The following CDC42EP3 variants were observed in gnomAD, a reference collection of about 807,000 sequenced individuals.
CDC42EP3 encodes the protein CDC42 effector protein 3, also known as CDC42 effector protein (Rho GTPase binding) 3.
In CDC42EP3, 4 loss-of-function variants were observed where a neutral mutation model predicts 15.5. The observed-to-expected ratio is 0.26, with a 90% CI of 0.13 to 0.59. The LOEUF is 0.59. Among genes scored for constraint, CDC42EP3 ranks in the 20% least tolerant of loss-of-function variants. The pLI is 0.89. For missense variants in CDC42EP3, 309 were observed against 311.2 expected, an observed-to-expected ratio of 0.99 and a Z score of 0.05; for synonymous variants, 145 against 130.3, an observed-to-expected ratio of 1.11 and a Z score of -0.77.
chr2:37,667,969 A>AT (rs1314909369), intron 1 of CDC42EP3, among the ~76,000 whole-genome samples: 11 of 152,226 alleles, frequency 7.2e-5, no homozygotes, highest in Admixed American at 3.9e-4. Context: ...TCCTCCACGG[A>AT]TATGTTCCAA....
At chr2:37,661,680 C>G (rs777117154) in intron 1 of CDC42EP3, among the ~76,000 whole-genome samples, 2 of 151,934 alleles carry the variant, frequency 1.3e-5, no homozygotes, top group Non-Finnish European at 2.9e-5. Context: ...GCTGACAGCA[C>G]GAGGAGGTGG....
chr2:37,658,246 A>C (rs1665945080), intron 1 of CDC42EP3, among the ~76,000 whole-genome samples: 1 of 152,202 alleles, frequency 6.6e-6, no homozygotes, highest in Admixed American at 6.5e-5. Context: ...TGAGATAAGA[A>C]CAGAAGTTGG....
chr2:37,657,369 T>C (rs1298835806), intron 1 of CDC42EP3, among the ~76,000 whole-genome samples: 1 of 152,220 alleles, frequency 6.6e-6, no homozygotes, highest in Non-Finnish European at 1.5e-5. Flanking sequence ...GGAGGGCTTG[T>C]ATTATGTGAT....
intron 1 of CDC42EP3, among the ~76,000 whole-genome samples, chr2:37,670,922 A>G (rs950219905): frequency 6.6e-6 from 1 of 152,196 alleles, no homozygotes; most frequent in African/African-American, 2.4e-5. Context: ...TCACCGTCAA[A>G]AAACAAAAAA....
At chr2:37,670,797 A>G (rs1666390386) in intron 1 of CDC42EP3, among the ~76,000 whole-genome samples, 1 of 149,388 alleles carries the variant, frequency 6.7e-6, no homozygotes, top group Admixed American at 6.7e-5. Flanking sequence ...TAACGAAAAA[A>G]TGGCCAGATC....
Position 37,646,439 on chromosome 2 carries a change from T to C in CDC42EP3, c.149A>G (p.His50Arg), listed in dbSNP as rs1665476859. 6 of 1,614,204 alleles carry C rather than the reference T, an allele frequency of 3.7e-6. No individual in the cohort carries two copies. The highest frequency in any genetic ancestry group is 5.1e-6 in the Non-Finnish European group (6 of 1,180,022). The part of the protein sequence containing the change: ...HTIHIGKEGQ[H>R]DVFGDISFLQ... ...AAAGGAAATATCTCCAAAGACATCG[T>C]GCTGGCCCTCTTTGCCAATGTGGAT... Residue 50 changes from histidine to arginine, a missense_variant, in exon 2 of 2, where the codon CAC (histidine) becomes CGC (arginine). Physicochemically the swap from His to Arg is conservative, Grantham distance 29. Coordinates refer to ENST00000295324, the MANE Select transcript of CDC42EP3 (RefSeq NM_006449.5).
rs1170236523 is a variant in CDC42EP3, at chr2:37,671,605, C to T, written c.-415G>A. ...GCCGGGTCTCCGGGCTAGCCCCGCG[C>T]TGCGGTCCCCCGGCCGCGAGAGAAG... is the stretch of plus-strand genomic sequence containing the variant. On this transcript the variant is annotated 5_prime_UTR_variant, in exon 1 of 2. Coordinates refer to ENST00000295324, the MANE Select transcript of CDC42EP3 (RefSeq NM_006449.5). 1.3e-5 allele frequency: 2 copies of T among 152,368 alleles called. 1 individual carries two copies. The highest frequency in any genetic ancestry group is 4.8e-5 in the African/African-American group (2 of 41,460). The allele number at this position is 152,368 out of a possible 1,614,324, so 9.4% of individuals were successfully genotyped here. A position where few individuals can be genotyped will look rare whatever the true frequency, so the allele number is the denominator to read the frequency against.
chr2:37,650,062 T>C (rs923690400), intron 1 of CDC42EP3, among the ~76,000 whole-genome samples: 1 of 152,174 alleles, frequency 6.6e-6, no homozygotes, highest in Non-Finnish European at 1.5e-5. Context: ...GTTAAGAATT[T>C]TGGGCAAAAT....
Position 37,645,978 on chromosome 2 carries a change from T to C in CDC42EP3, c.610A>G (p.Met204Val), listed in dbSNP as rs1392331144. The part of the protein sequence containing the change: ...EQYPDWPAED[M>V]FDHPTPCELI... ...TCGCATGGGGTGGGATGGTCAAACA[T>C]GTCCTCGGCTGGCCAGTCGGGGTAC... Residue 204 changes from methionine (M) to valine (V), a missense_variant, in exon 2 of 2, where the codon ATG (methionine) becomes GTG (valine). Physicochemically the swap from Met to Val is conservative, Grantham distance 21. Transcript: ENST00000295324. 5 of 1,613,890 alleles carry C rather than the reference T, an allele frequency of 3.1e-6. No individual in the cohort carries two copies. In the African/African-American group the frequency reaches 5.3e-5, roughly 17 times the overall value.
rs1665365499 is a variant in CDC42EP3, at chr2:37,644,184, T to G, written c.*1639A>C. On this transcript the variant is annotated 3_prime_UTR_variant, in exon 2 of 2. Coordinates refer to ENST00000295324, the MANE Select transcript of CDC42EP3 (RefSeq NM_006449.5). The stretch of plus-strand genomic sequence containing the variant: ...TGCATTTTACCTGCAGTCCAAAGGT[T>G]ATTTTAGATGATAGAACTGCAAGAA... 1 of 152,168 alleles carries G rather than the reference T, an allele frequency of 6.6e-6. No homozygotes were observed. The highest frequency in any genetic ancestry group is 1.5e-5 in the Non-Finnish European group (1 of 68,016). The allele number at this position is 152,168 out of a possible 1,614,324, so 9.4% of individuals were successfully genotyped here.
chr2:37,662,323 G>C (rs1280536331), intron 1 of CDC42EP3, among the ~76,000 whole-genome samples: 1 of 152,140 alleles, frequency 6.6e-6, no homozygotes, highest in African/African-American at 2.4e-5. Flanking sequence ...AAAGCACCTG[G>C]CAGGCAATGA....
At position 37,646,325 on chromosome 2, in the gene CDC42EP3, T is replaced by A; in HGVS notation, c.263A>T (p.Asn88Ile). Residue 88 changes from asparagine (N) to isoleucine (I), a missense_variant, in exon 2 of 2, where the codon AAC becomes ATC. Coordinates refer to ENST00000295324, the MANE Select transcript of CDC42EP3 (RefSeq NM_006449.5). Reference protein sequence around the residue: ...FPGHNEFFRANSTSDSVFTET... With the variant: ...FPGHNEFFRAISTSDSVFTET... The stretch of plus-strand genomic sequence containing the variant: ...TGTGAACACAGAGTCCGAGGTGCTG[T>A]TGGCCCGGAAGAACTCATTATGCCC... 6.2e-7 allele frequency: 1 copy of A among 1,614,150 alleles called. No homozygotes were observed. The highest frequency in any genetic ancestry group is 8.5e-7 in the Non-Finnish European group (1 of 1,180,020).
chr2:37,645,497 G>A lies in CDC42EP3; in HGVS notation c.*326C>T, dbSNP rs974954391. On this transcript the variant is annotated 3_prime_UTR_variant, in exon 2 of 2. Coordinates refer to ENST00000295324, the MANE Select transcript of CDC42EP3 (RefSeq NM_006449.5). ...TCCGTGAAGTTCCTTAATGTGACTC[G>A]CTCAGCCCTTCATAGCTAGTGCCAA... 7.5e-5 allele frequency: 15 copies of A among 200,024 alleles called. No homozygotes were observed. Among genetic ancestry groups the A allele is most frequent in the East Asian group, 3.7e-4 (3 of 8,102 alleles). 12.4% of individuals were successfully genotyped at this position (200,024 alleles called of 1,614,324 possible).
intron 1 of CDC42EP3, among the ~76,000 whole-genome samples, chr2:37,665,768 T>C (rs560858348): frequency 6.6e-6 from 1 of 151,306 alleles, no homozygotes; most frequent in Admixed American, 6.6e-5. Context: ...CAGGCTGCTC[T>C]GCCAGAGATC....
At chr2:37,656,933 T>C (rs986372684) in intron 1 of CDC42EP3, among the ~76,000 whole-genome samples, 1 of 149,934 alleles carries the variant, frequency 6.7e-6, no homozygotes, top group African/African-American at 2.5e-5. Context: ...CAAAAGGAAT[T>C]TGACTTGTGG....
chr2:37,662,763 T>C (rs1666106031), intron 1 of CDC42EP3, among the ~76,000 whole-genome samples: 1 of 152,194 alleles, frequency 6.6e-6, no homozygotes, highest in African/African-American at 2.4e-5. Flanking sequence ...AGACATTTCA[T>C]TCTGAAGCCG....
At chr2:37,649,153 C>G (rs951951490) in intron 1 of CDC42EP3, among the ~76,000 whole-genome samples, 1 of 151,224 alleles carries the variant, frequency 6.6e-6, no homozygotes, top group Non-Finnish European at 1.5e-5. Flanking sequence ...GACCCTGTCT[C>G]TATGAAAAAA....
rs571006821 is a variant in CDC42EP3 at position 37,649,789 on chromosome 2, G to A, written c.-235-2967C>T. ...CCTGCTTGAAGTGGGGCTTCATGTC[G>A]GTGGCATGGAGGCAAAGGTTGGAGG... On this transcript the variant is annotated intron_variant, in intron 1 of 1. Transcript: ENST00000295324. Among the ~76,000 whole-genome samples the A allele has an allele frequency of 3.3e-5, 5 of 152,222 alleles. No homozygotes were observed. The South Asian group carries it at 1.0e-3, about 32-fold the overall frequency.
At chr2:37,666,035 C>T (rs575085440) in intron 1 of CDC42EP3, among the ~76,000 whole-genome samples, 1 of 152,226 alleles carries the variant, frequency 6.6e-6, no homozygotes, top group South Asian at 2.1e-4. Context: ...TTTTGATTGC[C>T]CTCACTTAAT....
Sources: allele counts gnomAD v4.1 joint callset (sites outside exome capture counted in the v4.1 genomes callset), GRCh38; gene constraint gnomAD v4.1.1; transcripts MANE v1.5; gene names NCBI Gene and HGNC (gene_info 2026-07-23, HGNC 2026-07-21).